FANCI: variants seen among roughly 807,000 people sequenced by gnomAD.
FANCI encodes Fanconi anemia group I protein.
A neutral mutation model predicts 176.1 loss-of-function variants in FANCI; 156 were observed. The observed-to-expected ratio is 0.89, with a 90% CI of 0.78 to 1.01. The LOEUF is 1.01. FANCI is among the 50% of genes least tolerant of loss of function. FANCI has a pLI of 0.00. For synonymous variants in FANCI, 613 were observed against 541.7 expected (o/e 1.13, Z -1.83); for missense variants, 1,678 against 1,534.1 (o/e 1.09, Z -1.57).
At position 89,274,297 on chromosome 15, in the gene FANCI, A is replaced by T. The variant is rs2053320150; in HGVS notation, c.1105A>T (p.Lys369Ter). 6.2e-7 allele frequency: 1 copy of T among 1,613,616 alleles called. No homozygotes were observed. ...YVSTMILEVV[K>*]NSVHSWDHVT... is the part of the protein sequence containing the mutation. ...TTCAACCATGATCTTGGAAGTAGTG[A>T]AGAATAGGTAAGTTGGTGAACCATA... Residue 369 changes from lysine (K) to a stop codon, truncating the protein, a stop_gained, in exon 12 of 38, where the codon AAG becomes TAG. Coordinates refer to ENST00000310775, the MANE Select transcript of FANCI (RefSeq NM_001113378.2). LOFTEE classifies it high-confidence loss of function.
chr15:89,272,643 C>T (rs1017618556), intron 10 of FANCI, among the ~76,000 whole-genome samples: 1 of 152,136 alleles, frequency 6.6e-6, no homozygotes, highest in Non-Finnish European at 1.5e-5. Flanking sequence ...CTGATCCATT[C>T]AAGGACCTAT....
chr15:89,314,586 T>G lies in FANCI; in HGVS notation c.3721-26T>G, dbSNP rs777679250. 4 of 1,562,774 alleles carry G rather than the reference T, an allele frequency of 2.6e-6. No homozygotes were observed. In the African/African-American group the frequency reaches 5.4e-5, roughly 21 times the overall value. On this transcript the variant is annotated intron_variant, in intron 35 of 37. Coordinates refer to ENST00000310775, the MANE Select transcript of FANCI (RefSeq NM_001113378.2). ...CTTCAAAAACCATTGAACCTGAAAT[T>G]TAAGTCTTATGTTCTTTGCCCTTAG...
intron 22 of FANCI, 90 bp downstream of exon 22, chr15:89,293,153 C>G (rs1360850633): frequency 2.2e-6 from 3 of 1,368,074 alleles, no homozygotes; most frequent in East Asian, 4.7e-5. Context: ...AGGCAGTAAA[C>G]AGACCACAGA....
Position 89,283,182 on chromosome 15 carries a change from C to G in FANCI, c.1630C>G (p.Leu544Val). Residue 544 changes from leucine (L) to valine (V), a missense_variant, in exon 17 of 38, where the codon CTG becomes GTG. Leu to Val is a conservative substitution (Grantham distance 32). Around this residue, in one of 3 missense-constraint regions of FANCI, gnomAD observed 1,204 missense variants for 1,077.4 expected, o/e 1.12. Coordinates refer to ENST00000310775, the MANE Select transcript of FANCI (RefSeq NM_001113378.2). ...TGCAGTTGCTGGGTTTTTGCTGCTC[C>G]TGAAGAACTTTAAAGTTTTAGGCAG... is the stretch of plus-strand genomic sequence containing the variant. ...KSAVAGFLLL[L>V]KNFKVLGSLS... The G allele has an allele frequency of 2.5e-6, 4 of 1,614,192 alleles. No individual in the cohort carries two copies. The highest frequency in any genetic ancestry group is 3.4e-6 in the Non-Finnish European group (4 of 1,180,030).
chr15:89,286,119 A>G (rs2053806214), intron 18 of FANCI, among the ~76,000 whole-genome samples: 1 of 152,040 alleles, frequency 6.6e-6, no homozygotes, highest in African/African-American at 2.4e-5. Flanking sequence ...CAACCTCCCA[A>G]GTACCTGGGA....
chr15:89,300,131 A>G (rs574592084), intron 25 of FANCI, among the ~76,000 whole-genome samples, 165 bp downstream of exon 25: 4 of 152,270 alleles, frequency 2.6e-5, no homozygotes, highest in Admixed American at 2.6e-4. Flanking sequence ...ATTACATTCA[A>G]CCACAAAGAG....
chr15:89,258,817 C>G, intron 3 of FANCI, 41 bp downstream of exon 3: 1 of 1,401,664 alleles, frequency 7.1e-7, no homozygotes. Context: ...CTCCTGCATT[C>G]ATTGGTAGAT....
chr15:89,276,681 C>CT, intron 12 of FANCI, 30 bp from the exon 13 acceptor site: 14 of 1,613,592 alleles, frequency 8.7e-6, no homozygotes, highest in Non-Finnish European at 1.2e-5. Flanking sequence ...CTAAGTTTTT[C>CT]TTTTTTAACT....
intron 20 of FANCI, 34 bp from the exon 21 acceptor site, chr15:89,292,654 C>G: frequency 6.2e-7 from 1 of 1,600,540 alleles, no homozygotes; most frequent in East Asian, 2.2e-5. Flanking sequence ...CATCAACACT[C>G]AAGAGTATTT....
intron 34 of FANCI, chr15:89,308,121 C>G: frequency 9.1e-6 from 10 of 1,097,312 alleles, no homozygotes; most frequent in African/African-American, 1.6e-5. Context: ...TAAATACCAT[C>G]AGATTCCTGC....
At chr15:89,258,914 C>A in intron 3 of FANCI, 138 bp downstream of exon 3, 1 of 714,754 alleles carries the variant, frequency 1.4e-6, no homozygotes, top group East Asian at 2.7e-5. Context: ...TCAACTACAG[C>A]AGCAGTTTCC....
intron 19 of FANCI, chr15:89,290,643 G>A: frequency 4.2e-6 from 1 of 239,050 alleles, no homozygotes; most frequent in Non-Finnish European, 8.4e-6. Flanking sequence ...CTTAAATCTG[G>A]GTAATGGATA....
chr15:89,272,060 A>G (rs1342737465), intron 10 of FANCI, among the ~76,000 whole-genome samples: 2 of 151,986 alleles, frequency 1.3e-5, no homozygotes, highest in African/African-American at 4.8e-5. Flanking sequence ...TTACATTCCC[A>G]CTATCACTAT....
At chr15:89,263,804 T>G (rs75598501) in intron 7 of FANCI, 99 bp from the exon 8 acceptor site, 1 of 1,364,732 alleles carries the variant, frequency 7.3e-7, no homozygotes, top group Non-Finnish European at 1.0e-6. Context: ...TCTTAAAATA[T>G]GTTTAATGGA....
intron 2 of FANCI, among the ~76,000 whole-genome samples, chr15:89,253,996 T>C (rs1461420869): frequency 1.3e-5 from 2 of 152,110 alleles, no homozygotes; most frequent in African/African-American, 4.8e-5. Flanking sequence ...CCTGGCCCCA[T>C]GTATATTTTT....
intron 2 of FANCI, among the ~76,000 whole-genome samples, chr15:89,255,683 A>G (rs1228030142): frequency 6.6e-6 from 1 of 152,226 alleles, no homozygotes; most frequent in Non-Finnish European, 1.5e-5. Context: ...ATTTATTTGG[A>G]TTATGCTGTT....
intron 24 of FANCI, among the ~76,000 whole-genome samples, chr15:89,298,664 C>G (rs1037977934): frequency 3.3e-5 from 5 of 152,080 alleles, no homozygotes; most frequent in African/African-American, 1.2e-4. Context: ...TAAAAGAAAG[C>G]TGGTTCTTTG....
At chr15:89,271,460 C>T (rs1472201178) in intron 10 of FANCI, among the ~76,000 whole-genome samples, 1 of 152,080 alleles carries the variant, frequency 6.6e-6, no homozygotes, top group Non-Finnish European at 1.5e-5. Flanking sequence ...TCAGGATTCA[C>T]CTGTGTTGTA....
At position 89,283,216 on chromosome 15, in the gene FANCI, C is replaced by T. The variant is rs566704199; in HGVS notation, c.1664C>T (p.Ser555Phe). The T allele has an allele frequency of 6.2e-7, 1 of 1,614,080 alleles. No homozygotes were observed. Among genetic ancestry groups the T allele is most frequent in the Admixed American group, 1.7e-5 (1 of 60,022 alleles). Residue 555 changes from serine (S) to phenylalanine (F), a missense_variant, in exon 17 of 38, where the codon TCC becomes TTC. Ser to Phe is a radical substitution (Grantham distance 155). Coordinates refer to ENST00000310775, the MANE Select transcript of FANCI (RefSeq NM_001113378.2). Reference sequence around the variant, plus strand: ...TTTAAAGTTTTAGGCAGCCTGTCATCCTCTCAGTGCAGTCAGTCTCTCAGT... The same window carrying T: ...TTTAAAGTTTTAGGCAGCCTGTCATTCTCTCAGTGCAGTCAGTCTCTCAGT... The part of the protein sequence containing the change: ...KNFKVLGSLS[S>F]SQCSQSLSVS...
Sources: allele counts gnomAD v4.1 joint callset (sites outside exome capture counted in the v4.1 genomes callset), GRCh38; gene constraint gnomAD v4.1.1; regional missense constraint gnomAD v4.1.1; transcripts MANE v1.5; gene names NCBI Gene and HGNC (gene_info 2026-07-23, HGNC 2026-07-21).